The following FBN2 variants were observed in gnomAD, a reference collection of about 807,000 sequenced individuals.
FBN2 encodes fibrillin-2.
FBN2 carries 105 observed loss-of-function variants against 355.6 expected under a neutral mutation model. That is an observed-to-expected ratio of 0.30 (90% CI 0.25 to 0.35). FBN2 has a LOEUF of 0.35. FBN2 is among the 10% of genes least tolerant of loss of function. The pLI, the probability that FBN2 is intolerant of heterozygous loss-of-function variation, is 1.00. For missense variants in FBN2, 3,280 were observed against 3,758.7 expected (o/e 0.87, Z 3.33); for synonymous variants, 1,350 against 1,301.2 (o/e 1.04, Z -0.81).
chr5:128,530,486 T>C, intron 3 of FBN2, 109 bp downstream of exon 3: 2 of 747,326 alleles, frequency 2.7e-6, no homozygotes, highest in Non-Finnish European at 4.8e-6. Flanking sequence ...GATGTAAGGA[T>C]TAACTAAAGT....
At chr5:128,483,564 G>A (rs1292862352) in intron 5 of FBN2, among the ~76,000 whole-genome samples, 1 of 151,782 alleles carries the variant, frequency 6.6e-6, no homozygotes, top group Non-Finnish European at 1.5e-5. Context: ...TTAGATTTGG[G>A]GCAGCAGACT....
At chr5:128,525,836 C>A (rs1187114464) in intron 4 of FBN2, among the ~76,000 whole-genome samples, 1 of 152,098 alleles carries the variant, frequency 6.6e-6, no homozygotes, top group African/African-American at 2.4e-5. Flanking sequence ...AATACTCAGT[C>A]ACAAGTGAAA....
At chr5:128,296,174 C>A (rs1194571348) in intron 48 of FBN2, among the ~76,000 whole-genome samples, 3 of 151,552 alleles carry the variant, frequency 2.0e-5, no homozygotes, top group Non-Finnish European at 4.4e-5. Flanking sequence ...GCCTTGCATC[C>A]CAGGGATGAA....
intron 6 of FBN2, among the ~76,000 whole-genome samples, chr5:128,461,051 T>C (rs1473628585): frequency 3.3e-5 from 5 of 152,092 alleles, no homozygotes; most frequent in African/African-American, 9.7e-5. Flanking sequence ...GTAACTATCA[T>C]TAGAGTGAAC....
Position 128,276,164 on chromosome 5 carries a change from A to C in FBN2, c.7472-4T>G, listed in dbSNP as rs1420068676. 2 of 1,613,330 alleles carry C rather than the reference A, an allele frequency of 1.2e-6. No homozygotes were observed. On this transcript the variant is annotated splice_polypyrimidine_tract_variant and splice_region_variant and intron_variant, in intron 58 of 64. Coordinates refer to ENST00000262464, the MANE Select transcript of FBN2 (RefSeq NM_001999.4). ...GACTGGGAGCATTCATCAAGGTCTA[A>C]GTAAAAGTGATGTGAAGATTAAATT...
In FBN2 at chr5:128,370,714, G is replaced by C. The variant is rs1020880425; in HGVS notation, c.2096-1380C>G. 3.3e-5 allele frequency among the ~76,000 whole-genome samples: 5 copies of C among 152,030 alleles called. No individual in the cohort carries two copies. In the South Asian group the frequency reaches 1.0e-3, roughly 32 times the overall value. On this transcript the variant is annotated intron_variant, in intron 15 of 64. Coordinates refer to ENST00000262464, the MANE Select transcript of FBN2 (RefSeq NM_001999.4). ...AACAGCCAAAGTTATTTCTGCTTTTGGGTTTAGAGCATATGCCATGCAGAA... is the reference window on the plus strand; with the variant it reads ...AACAGCCAAAGTTATTTCTGCTTTTCGGTTTAGAGCATATGCCATGCAGAA...
chr5:128,311,343 G>A lies in FBN2; in HGVS notation c.5031C>T (p.Cys1677=), dbSNP rs147452231. The change falls in exon 39 of 65, where the codon TGC becomes TGT. Residue 1677 remains cysteine, a synonymous_variant. Coordinates refer to ENST00000262464, the MANE Select transcript of FBN2 (RefSeq NM_001999.4). ...CCTCGCTGAGGTAGTAGCCTTGTGG[G>A]CACTCACACTGGAAGCTCCCAAAAG... The part of the protein sequence containing the change: ...INTFGSFQCE[C]PQGYYLSEDT... The A allele has an allele frequency of 6.8e-5, 110 of 1,614,056 alleles. No homozygotes were observed. The African/African-American group carries it at 1.0e-3, about 15-fold the overall frequency.
chr5:128,358,216 C>G (rs1313071953), intron 19 of FBN2, among the ~76,000 whole-genome samples: 1 of 151,944 alleles, frequency 6.6e-6, no homozygotes, highest in African/African-American at 2.4e-5. Flanking sequence ...GAAATACAAG[C>G]TTCAGGTAAA....
At chr5:128,370,223 C>T (rs1432837415) in intron 15 of FBN2, among the ~76,000 whole-genome samples, 1 of 152,146 alleles carries the variant, frequency 6.6e-6, no homozygotes. Flanking sequence ...ATAAAAAACT[C>T]AGATCATAAA....
intron 8 of FBN2, among the ~76,000 whole-genome samples, chr5:128,404,444 T>C (rs1466969579): frequency 6.6e-6 from 1 of 152,216 alleles, no homozygotes; most frequent in African/African-American, 2.4e-5. Context: ...TCCTGGTTAG[T>C]GCAGGACTTA....
At chr5:128,463,230 A>G (rs1754607073) in intron 6 of FBN2, among the ~76,000 whole-genome samples, 1 of 152,076 alleles carries the variant, frequency 6.6e-6, no homozygotes, top group Admixed American at 6.6e-5. Context: ...ATACAATATA[A>G]TATAGAATAT....
chr5:128,374,806 A>G, intron 14 of FBN2, 56 bp from the exon 15 acceptor site: 1 of 1,603,258 alleles, frequency 6.2e-7, no homozygotes, highest in Non-Finnish European at 8.5e-7. Context: ...ACGTTATTAC[A>G]GGGTTTACTT....
At chr5:128,441,715 T>C (rs1178001877) in intron 7 of FBN2, among the ~76,000 whole-genome samples, 1 of 152,278 alleles carries the variant, frequency 6.6e-6, no homozygotes, top group Non-Finnish European at 1.5e-5. Flanking sequence ...GAATAAATTA[T>C]TTGTGATGGG....
intron 40 of FBN2, 101 bp from the exon 41 acceptor site, chr5:128,309,500 C>T (rs888133527): frequency 2.1e-6 from 2 of 949,582 alleles, no homozygotes; most frequent in Middle Eastern, 2.2e-4. Context: ...ATGAACACAA[C>T]TCGGAAACCC....
rs1561499650 is a variant in FBN2, at chr5:128,527,984, CAAAAAGT to C, written c.437-24_437-18del. 6.4e-7 allele frequency: 1 copy of C among 1,570,176 alleles called. No homozygotes were observed. Among genetic ancestry groups the C allele is most frequent in the Admixed American group, 1.7e-5 (1 of 59,712 alleles). On this transcript the variant is annotated intron_variant, in intron 3 of 64. Coordinates refer to ENST00000262464, the MANE Select transcript of FBN2 (RefSeq NM_001999.4). ...ACTGCTGAACTGCAAAGAGCAATAA[CAAAAAGT>C]ATAAAAACATCAGTCATCAAAATTA...
chr5:128,488,108 A>C (rs1009445861), intron 5 of FBN2, among the ~76,000 whole-genome samples: 11 of 152,210 alleles, frequency 7.2e-5, no homozygotes, highest in Non-Finnish European at 1.5e-4. Context: ...TGTTTCAGTC[A>C]TATTTATGAC....
chr5:128,358,351 T>C (rs1751556670), intron 19 of FBN2, among the ~76,000 whole-genome samples: 1 of 152,128 alleles, frequency 6.6e-6, no homozygotes, highest in African/African-American at 2.4e-5. Flanking sequence ...TCAATAGTCC[T>C]CAAGGCATTT....
chr5:128,366,438 A>T lies in FBN2; in HGVS notation c.2249-8T>A. On this transcript the variant is annotated splice_polypyrimidine_tract_variant and splice_region_variant and intron_variant, in intron 16 of 64. Transcript: ENST00000262464. ...AAAGGCCGTGGAATTCAGCTGTATG[A>T]CAAAAAGAAATAGAAGAATTAAAAA... is the stretch of plus-strand genomic sequence containing the variant. 6.3e-7 allele frequency: 1 copy of T among 1,591,790 alleles called. No homozygotes were observed. The highest frequency in any genetic ancestry group is 8.6e-7 in the Non-Finnish European group (1 of 1,161,774).
At chr5:128,400,111 A>G in intron 8 of FBN2, among the ~76,000 whole-genome samples, 1 of 151,878 alleles carries the variant, frequency 6.6e-6, no homozygotes, top group East Asian at 1.9e-4. Flanking sequence ...AAAGATTGAG[A>G]GGGAAAATAC....
Sources: allele counts gnomAD v4.1 joint callset (sites outside exome capture counted in the v4.1 genomes callset), GRCh38; gene constraint gnomAD v4.1.1; transcripts MANE v1.5; gene names NCBI Gene and HGNC (gene_info 2026-07-23, HGNC 2026-07-21).